MPZL3: variants seen among roughly 807,000 people sequenced by gnomAD.
MPZL3 encodes the protein myelin protein zero-like protein 3.
MPZL3 carries 23 observed loss-of-function variants against 24.8 expected under a neutral mutation model. That is an observed-to-expected ratio of 0.93 (90% CI 0.67 to 1.31). The LOEUF (loss-of-function observed/expected upper bound fraction) is 1.31, where lower values mean the gene tolerates loss of function less well. Ranked by LOEUF, MPZL3 falls within the 40% of genes most tolerant of loss-of-function variation. The pLI, the probability that MPZL3 is intolerant of heterozygous loss-of-function variation, is 0.00. For missense variants in MPZL3, 277 were observed against 294.9 expected (o/e 0.94, Z 0.44); for synonymous variants, 99 against 106.5 (o/e 0.93, Z 0.44).
chr11:118,244,778 C>A lies in MPZL3; in HGVS notation c.74-4401G>T, dbSNP rs144189817. ...GAAGAGACCTGATGAAATCTGCATT[C>A]TTAAAAGATCACTTTAGGCTGGGCG... On this transcript the variant is annotated intron_variant, in intron 1 of 5. Coordinates refer to ENST00000278949, the MANE Select transcript of MPZL3 (RefSeq NM_198275.3). 8.9e-3 allele frequency among the ~76,000 whole-genome samples: 1,358 copies of A among 152,286 alleles called. 7 individuals carry two copies. The highest frequency in any genetic ancestry group is 0.016 in the South Asian group (77 of 4,818).
chr11:118,231,717 C>G (rs1395179907), intron 5 of MPZL3, among the ~76,000 whole-genome samples: 4 of 152,158 alleles, frequency 2.6e-5, no homozygotes, highest in African/African-American at 9.7e-5. Context: ...TTGGAACTAC[C>G]CTTGAGTCCT....
intron 1 of MPZL3, 24 bp downstream of exon 1, chr11:118,252,198 A>G: frequency 6.2e-7 from 1 of 1,612,546 alleles, no homozygotes. Context: ...CCGGAAGTGG[A>G]GCGTAGCCAG....
In MPZL3 at chr11:118,237,658, C is replaced by A. The variant is rs182294701; in HGVS notation, c.241-398G>T. Among the ~76,000 whole-genome samples, 539 of 152,098 alleles carry A rather than the reference C, an allele frequency of 3.5e-3. 1 individual carries two copies. Among genetic ancestry groups the A allele is most frequent in the Non-Finnish European group, 4.6e-3 (313 of 68,000 alleles). Reference sequence around the variant, plus strand: ...CATCCTACCATGCACAGGACAGCACCCACAGCAAAGAATTATCTGGCTCAA... The same window carrying A: ...CATCCTACCATGCACAGGACAGCACACACAGCAAAGAATTATCTGGCTCAA... On this transcript the variant is annotated intron_variant, in intron 2 of 5. Coordinates refer to ENST00000278949, the MANE Select transcript of MPZL3 (RefSeq NM_198275.3).
intron 1 of MPZL3, among the ~76,000 whole-genome samples, chr11:118,240,930 C>T (rs1949489643): frequency 6.6e-6 from 1 of 152,208 alleles, no homozygotes. Context: ...TTTTCTAAAA[C>T]TGCCCCCAAG....
chr11:118,233,339 C>T, intron 5 of MPZL3, 121 bp downstream of exon 5: 3 of 1,062,610 alleles, frequency 2.8e-6, no homozygotes, highest in Non-Finnish European at 2.9e-6. Flanking sequence ...GATGCTGGTT[C>T]ATATCTTGCT....
In MPZL3 at chr11:118,227,810, G is replaced by C. The variant is rs994142007; in HGVS notation, c.*2084C>G. 1.3e-5 allele frequency: 2 copies of C among 152,100 alleles called. No homozygotes were observed. The highest frequency in any genetic ancestry group is 4.8e-5 in the African/African-American group (2 of 41,404). 9.4% of individuals were successfully genotyped at this position (152,100 alleles called of 1,614,324 possible). On this transcript the variant is annotated 3_prime_UTR_variant, in exon 6 of 6. Coordinates refer to ENST00000278949, the MANE Select transcript of MPZL3 (RefSeq NM_198275.3). ...GCCAAAATTAGTTCCTCATTTAATG[G>C]GATATGGCTTTCAGTGGGTTCCTGT... is the stretch of plus-strand genomic sequence containing the variant.
intron 5 of MPZL3, among the ~76,000 whole-genome samples, chr11:118,232,374 A>C (rs1949364978): frequency 1.3e-5 from 2 of 151,404 alleles, no homozygotes; most frequent in African/African-American, 2.4e-5. Context: ...ACCATCTCAT[A>C]TACTATATAT....
At chr11:118,239,613 T>C (rs1236052814) in intron 2 of MPZL3, among the ~76,000 whole-genome samples, 1 of 152,208 alleles carries the variant, frequency 6.6e-6, no homozygotes, top group East Asian at 1.9e-4. Flanking sequence ...GTGTGACTAA[T>C]ATACCTCAAT....
chr11:118,241,009 T>C (rs1021656692), intron 1 of MPZL3, among the ~76,000 whole-genome samples: 1 of 152,118 alleles, frequency 6.6e-6, no homozygotes, highest in Non-Finnish European at 1.5e-5. Flanking sequence ...AAGTAAATCA[T>C]GGAGAAGAAA....
At position 118,235,363 on chromosome 11, in the gene MPZL3, G is replaced by T; in HGVS notation, c.617+61C>A. The stretch of plus-strand genomic sequence containing the variant: ...GAAGAAAGGAAGGTGTGGATGTGGG[G>T]GTCTGGGTAGAGCGCTAAGGAGGAA... On this transcript the variant is annotated intron_variant, in intron 4 of 5. Transcript: ENST00000278949. The T allele has an allele frequency of 2.6e-6, 4 of 1,565,308 alleles. No individual in the cohort carries two copies. The South Asian group carries it at 3.5e-5, about 14-fold the overall frequency.
At chr11:118,244,833 T>C (rs983190206) in intron 1 of MPZL3, among the ~76,000 whole-genome samples, 1 of 152,158 alleles carries the variant, frequency 6.6e-6, no homozygotes, top group African/African-American at 2.4e-5. Context: ...TCCCAGCACT[T>C]TGGGAGGCCG....
At chr11:118,243,771 C>CAAAA (rs1226572066) in intron 1 of MPZL3, among the ~76,000 whole-genome samples, 12 of 116,852 alleles carry the variant, frequency 1.0e-4, no homozygotes, top group Non-Finnish European at 1.8e-4. Context: ...GACTCTGTCT[C>CAAAA]AAAAAAAAAA....
At position 118,235,563 on chromosome 11, in the gene MPZL3, C is replaced by T; in HGVS notation, c.478G>A (p.Ala160Thr). ...RGFGTMLSSV[A>T]LLSILVFVPS... ...ACAAAGACAAGGATGGAAAGAAGGG[C>T]CACAGAGGAAAGCATGGTGCCAAAA... The change falls in exon 4 of 6, where the codon GCC (alanine) becomes ACC (threonine). Residue 160 changes from alanine (A) to threonine (T), a missense_variant. By Grantham distance (58) the Ala-to-Thr change is moderately conservative. Coordinates refer to ENST00000278949, the MANE Select transcript of MPZL3 (RefSeq NM_198275.3). 1.2e-6 allele frequency: 2 copies of T among 1,613,870 alleles called. No individual in the cohort carries two copies. Among genetic ancestry groups the T allele is most frequent in the Non-Finnish European group, 1.7e-6 (2 of 1,179,882 alleles).
At position 118,229,125 on chromosome 11, in the gene MPZL3, C is replaced by CAAAAAAAAAA. The variant is rs60832269; in HGVS notation, c.*759_*768dup. 1 of 96,428 alleles carries CAAAAAAAAAA rather than the reference C, an allele frequency of 1.0e-5. No homozygotes were observed. Among genetic ancestry groups the CAAAAAAAAAA allele is most frequent in the Non-Finnish European group, 1.9e-5 (1 of 51,630 alleles). The allele number at this position is 96,428 out of a possible 1,614,324, so 6.0% of individuals were successfully genotyped here. ...CTGGCGACAGAGTGAGACTCTGCCT[C>CAAAAAAAAAA]AAAAAAAAAAAAAAAAAAAAAAAAG... On this transcript the variant is annotated 3_prime_UTR_variant, in exon 6 of 6. Transcript: ENST00000278949.
At position 118,246,327 on chromosome 11, in the gene MPZL3, G is replaced by A. The variant is rs77010889; in HGVS notation, c.73+5895C>T. 1.2e-3 allele frequency among the ~76,000 whole-genome samples: 187 copies of A among 152,164 alleles called. 3 individuals carry two copies. The East Asian group carries it at 0.029, about 24-fold the overall frequency. On this transcript the variant is annotated intron_variant, in intron 1 of 5. Coordinates refer to ENST00000278949, the MANE Select transcript of MPZL3 (RefSeq NM_198275.3). ...TGCCTCTGAGTGTTCAAGTGTTACC[G>A]GATATACTCTCTTGAATATCACCCC...
rs138107021 is a variant in MPZL3, at chr11:118,252,232, C to A, written c.63G>T (p.Leu21=). The A allele has an allele frequency of 6.2e-7, 1 of 1,613,876 alleles. No homozygotes were observed. The highest frequency in any genetic ancestry group is 8.5e-7 in the Non-Finnish European group (1 of 1,179,974). ...AGCCGGAGCACTCACCCTGGAAGAA[C>A]AGGACGCCCAGCAGAGGGAAGAGAG... is the stretch of plus-strand genomic sequence containing the variant. ...GCALFPLLGV[L]FFQGVYIVFS... is the part of the protein sequence containing the mutation. The change falls in exon 1 of 6, where the codon CTG becomes CTT. Residue 21 remains leucine, a synonymous_variant. Transcript: ENST00000278949.
intron 1 of MPZL3, among the ~76,000 whole-genome samples, chr11:118,246,636 G>A (rs1468439296): frequency 7.2e-6 from 1 of 138,380 alleles, no homozygotes; most frequent in Admixed American, 7.8e-5. Context: ...TCAGGCTACA[G>A]TGCAGTGGCG....
intron 1 of MPZL3, among the ~76,000 whole-genome samples, chr11:118,247,906 C>T (rs889204732): frequency 2.6e-5 from 4 of 152,138 alleles, no homozygotes; most frequent in Non-Finnish European, 4.4e-5. Context: ...CTCTCTCCAT[C>T]CTCATGGTTT....
At chr11:118,240,102 GC>G in intron 2 of MPZL3, 108 bp downstream of exon 2, 1 of 1,078,196 alleles carries the variant, frequency 9.3e-7, no homozygotes. Context: ...TAAAGTAGAA[GC>G]CCATCTTCTA....
Sources: gnomAD v4.1 joint callset for allele counts (sites outside exome capture counted in the v4.1 genomes callset) on GRCh38, gnomAD v4.1.1 for gene constraint, MANE v1.5 for transcripts, NCBI Gene and HGNC (gene_info 2026-07-23, HGNC 2026-07-21) for gene names.